Variants in CHCHD3 observed in about 807,000 individuals in gnomAD.
CHCHD3 encodes MICOS complex subunit MIC19.
CHCHD3 carries 20 observed loss-of-function variants against 38.2 expected under a neutral mutation model. The observed-to-expected ratio is 0.52, with a 90% CI of 0.37 to 0.76. The LOEUF is 0.76. CHCHD3 is among the 30% of genes least tolerant of loss of function. The pLI is 0.00. For missense variants in CHCHD3, 245 were observed against 279.2 expected, an observed-to-expected ratio of 0.88 and a Z score of 0.87; for synonymous variants, 82 against 100.0, an observed-to-expected ratio of 0.82 and a Z score of 1.07.
chr7:132,921,558 T>C (rs180769635), intron 4 of CHCHD3, among the ~76,000 whole-genome samples: 71 of 152,254 alleles, frequency 4.7e-4, no homozygotes, highest in Non-Finnish European at 5.9e-5. Flanking sequence ...TCCCAATTGA[T>C]AGGTAAATAT....
At chr7:132,963,220 C>T (rs1167377435) in intron 4 of CHCHD3, among the ~76,000 whole-genome samples, 1 of 147,680 alleles carries the variant, frequency 6.8e-6, no homozygotes, top group Non-Finnish European at 1.5e-5. Context: ...TGCCTAAAAA[C>T]AGATGAATCA....
chr7:133,052,982 G>A (rs1174951832), intron 2 of CHCHD3, among the ~76,000 whole-genome samples: 1 of 152,174 alleles, frequency 6.6e-6, no homozygotes, highest in Non-Finnish European at 1.5e-5. Context: ...TTGGGAAAAT[G>A]CATTCTGGAT....
chr7:132,935,682 A>T (rs1810617093), intron 4 of CHCHD3, among the ~76,000 whole-genome samples: 1 of 152,222 alleles, frequency 6.6e-6, no homozygotes, highest in Admixed American at 6.5e-5. Context: ...AGCCAAACTG[A>T]CTGGTGACTC....
chr7:132,877,587 A>G (rs1808944184), intron 5 of CHCHD3, among the ~76,000 whole-genome samples: 1 of 152,214 alleles, frequency 6.6e-6, no homozygotes, highest in Non-Finnish European at 1.5e-5. Context: ...TTACTTGTTG[A>G]TGATAAAAAA....
chr7:132,863,844 A>G (rs1369939870), intron 5 of CHCHD3, among the ~76,000 whole-genome samples: 1 of 152,130 alleles, frequency 6.6e-6, no homozygotes, highest in Non-Finnish European at 1.5e-5. Flanking sequence ...ATAGCTTCCA[A>G]TGCTTCCTCT....
chr7:132,974,126 G>A (rs1811692861), intron 4 of CHCHD3: 2 of 875,946 alleles, frequency 2.3e-6, no homozygotes, highest in Admixed American at 6.8e-5. Flanking sequence ...AATGTTCAGT[G>A]ACATAGGAAA....
chr7:132,831,693 A>G (rs907281575), intron 6 of CHCHD3, among the ~76,000 whole-genome samples: 3 of 152,198 alleles, frequency 2.0e-5, no homozygotes, highest in Non-Finnish European at 4.4e-5. Context: ...TTAAACTTCT[A>G]GAAGAATTTT....
At chr7:133,030,263 T>A (rs1813464650) in intron 2 of CHCHD3, among the ~76,000 whole-genome samples, 2 of 152,214 alleles carry the variant, frequency 1.3e-5, no homozygotes, top group South Asian at 4.1e-4. Flanking sequence ...CAATACTGTA[T>A]TTCTTCTGAT....
intron 5 of CHCHD3, among the ~76,000 whole-genome samples, chr7:132,878,739 T>C (rs115124736): frequency 0.011 from 1,668 of 152,288 alleles, 35 homozygotes; most frequent in African/African-American, 0.038. Flanking sequence ...GGGATTCAGG[T>C]GTGTCTAAGA....
intron 4 of CHCHD3, among the ~76,000 whole-genome samples, chr7:132,950,429 A>C (rs897196992): frequency 6.6e-6 from 1 of 152,192 alleles, no homozygotes; most frequent in African/African-American, 2.4e-5. Flanking sequence ...CTCACAACTA[A>C]ATAAATAACG....
intron 4 of CHCHD3, among the ~76,000 whole-genome samples, chr7:132,965,468 C>A (rs1018359756): frequency 3.5e-5 from 5 of 143,984 alleles, no homozygotes; most frequent in Non-Finnish European, 1.5e-5. Context: ...AAAAAAAAAA[C>A]TAAATCTAAA....
At chr7:132,850,351 A>G (rs910591552) in intron 5 of CHCHD3, among the ~76,000 whole-genome samples, 1 of 151,862 alleles carries the variant, frequency 6.6e-6, no homozygotes, top group Non-Finnish European at 1.5e-5. Flanking sequence ...TCTTTCTTAT[A>G]TAAAGAAACA....
intron 4 of CHCHD3, among the ~76,000 whole-genome samples, chr7:132,895,945 G>C (rs1809483444): frequency 6.6e-6 from 1 of 152,146 alleles, no homozygotes; most frequent in Admixed American, 6.6e-5. Context: ...ATACTTAAAA[G>C]AACAGAAAAC....
chr7:132,872,884 T>A (rs1055011380), intron 5 of CHCHD3, among the ~76,000 whole-genome samples: 1 of 151,864 alleles, frequency 6.6e-6, no homozygotes, highest in Non-Finnish European at 1.5e-5. Flanking sequence ...GGCAGGTAGA[T>A]CACTTGAGGT....
intron 3 of CHCHD3, among the ~76,000 whole-genome samples, chr7:133,009,363 CAAAAAAA>C (rs71178076): frequency 3.0e-5 from 2 of 67,406 alleles, no homozygotes; most frequent in Non-Finnish European, 5.4e-5. Flanking sequence ...GACTCTGTCT[CAAAAAAA>C]AAAAAAAAAA....
intron 3 of CHCHD3, among the ~76,000 whole-genome samples, chr7:133,020,390 G>A (rs1046918929): frequency 6.6e-6 from 1 of 152,080 alleles, no homozygotes; most frequent in Non-Finnish European, 1.5e-5. Context: ...AATTTTAGAT[G>A]ACCTAATGAA....
chr7:132,912,410 A>T (rs929162567), intron 4 of CHCHD3, among the ~76,000 whole-genome samples: 22 of 152,238 alleles, frequency 1.4e-4, no homozygotes, highest in African/African-American at 5.1e-4. Flanking sequence ...TGATGCTGGC[A>T]GTGAAGTATG....
At chr7:132,888,144 G>C (rs1019375466) in intron 4 of CHCHD3, among the ~76,000 whole-genome samples, 17 of 151,522 alleles carry the variant, frequency 1.1e-4, no homozygotes, top group Admixed American at 5.2e-4. Flanking sequence ...GGAAGACGAA[G>C]AGAAAAAACA....
intron 4 of CHCHD3, among the ~76,000 whole-genome samples, chr7:132,908,029 T>G (rs556829993): frequency 3.9e-5 from 6 of 151,930 alleles, no homozygotes; most frequent in Admixed American, 2.6e-4. Context: ...CCACCGAAAC[T>G]AGGCAATTTG....
Sources: gnomAD v4.1 joint callset for allele counts (sites outside exome capture counted in the v4.1 genomes callset) on GRCh38, gnomAD v4.1.1 for gene constraint, MANE v1.5 for transcripts, NCBI Gene and HGNC (gene_info 2026-07-23, HGNC 2026-07-21) for gene names.